The following FAM161B variants were observed in gnomAD, a reference collection of about 807,000 sequenced individuals.
FAM161B encodes protein FAM161B.
Under a neutral mutation model 61.5 loss-of-function variants are expected in FAM161B, and 46 were observed. The ratio of observed to expected loss-of-function variants is 0.75; its 90% confidence interval spans 0.59 to 0.96. FAM161B has a LOEUF of 0.96. Among genes scored for constraint, FAM161B ranks in the 40% least tolerant of loss-of-function variants. The probability of loss-of-function intolerance (pLI) is 0.00; values close to 1 mark genes in which losing one functional copy is unlikely to be tolerated. For missense variants in FAM161B, 774 were observed against 800.7 expected, an observed-to-expected ratio of 0.97 and a Z score of 0.40; for synonymous variants, 284 against 302.7, an observed-to-expected ratio of 0.94 and a Z score of 0.64.
At chr14:73,949,874 C>T (rs1456067792) in intron 1 of FAM161B, 99 bp downstream of exon 1, 101 of 1,509,418 alleles carry the variant, frequency 6.7e-5, no homozygotes, top group Non-Finnish European at 8.3e-5. Context: ...AATCCCACGC[C>T]CCTCCGTGAC....
chr14:73,940,834 C>T (rs1594776659), intron 5 of FAM161B, 92 bp downstream of exon 5: 1 of 1,502,888 alleles, frequency 6.7e-7, no homozygotes, highest in South Asian at 1.3e-5. Flanking sequence ...TGAGGTATCT[C>T]TGATAACAGG....
chr14:73,931,427 A>T, downstream of FAM161B: 1 of 1,351,260 alleles, frequency 7.4e-7, no homozygotes, highest in Non-Finnish European at 1.0e-6. Flanking sequence ...CTCCACTCTT[A>T]ATACTTTTTA....
downstream of FAM161B, among the ~76,000 whole-genome samples, chr14:73,930,445 G>A (rs2055894980): frequency 1.3e-5 from 2 of 152,074 alleles, no homozygotes; most frequent in Non-Finnish European, 2.9e-5. Context: ...TTATAGGCAT[G>A]AGCCATGGTG....
rs746489155 is a variant in FAM161B at position 73,937,643 on chromosome 14, G to A, written c.1624C>T (p.Arg542Ter). ...AAGAGATAGGGCCTTGTTTGTATTC[G>A]CTGCTTCATTTCCTCCAGTTCTTTC... ...YKKELEEMKQ[R>*]IQTRPYLFEQ... Residue 542 changes from arginine to a stop codon, truncating the protein, a stop_gained, in exon 7 of 9, where the codon CGA becomes TGA. Transcript: ENST00000286544. LOFTEE classifies it high-confidence loss of function. 5.0e-6 allele frequency: 8 copies of A among 1,614,046 alleles called. No homozygotes were observed. The highest frequency in any genetic ancestry group is 5.9e-6 in the Non-Finnish European group (7 of 1,180,002).
chr14:73,938,600 A>G (rs985330117), intron 5 of FAM161B, among the ~76,000 whole-genome samples: 23 of 151,454 alleles, frequency 1.5e-4, no homozygotes, highest in East Asian at 5.9e-4. Flanking sequence ...GTGAAACCCC[A>G]TCTCTACTAA....
chr14:73,923,604 C>T, the FAM161B span: 1 of 1,505,838 alleles, frequency 6.6e-7, no homozygotes. Flanking sequence ...AAAAAGTCTC[C>T]AGTTTCCATT....
chr14:73,947,385 C>CAAAA (rs35497668), intron 1 of FAM161B, among the ~76,000 whole-genome samples: 2 of 97,048 alleles, frequency 2.1e-5, no homozygotes, highest in South Asian at 3.7e-4. Context: ...TGCTCCGTCT[C>CAAAA]AAAAAAAAAA....
intron 8 of FAM161B, 30 bp downstream of exon 8, chr14:73,935,919 C>A: frequency 6.3e-7 from 1 of 1,594,884 alleles, no homozygotes; most frequent in Non-Finnish European, 8.6e-7. Flanking sequence ...ATTTAGAGAG[C>A]TGCAGAATGA....
chr14:73,923,364 T>C, the FAM161B span: 1 of 1,606,326 alleles, frequency 6.2e-7, no homozygotes, highest in East Asian at 2.2e-5. Context: ...GGATTCACTT[T>C]TCATTGAAAC....
In FAM161B at chr14:73,946,538, A is replaced by G; in HGVS notation, c.122T>C (p.Leu41Ser). 8 of 1,614,210 alleles carry G rather than the reference A, an allele frequency of 5.0e-6. No homozygotes were observed. Among genetic ancestry groups the G allele is most frequent in the Non-Finnish European group, 6.8e-6 (8 of 1,180,038 alleles). The part of the protein sequence containing the change: ...GEELSGDGLV[L>S]PRASKLDEFL... ...CTCGTCAAGTTTGCTGGCCCTGGGCAAAACCAGCCCATCCCCGGACAGCTC... is the reference window on the plus strand; with the variant it reads ...CTCGTCAAGTTTGCTGGCCCTGGGCGAAACCAGCCCATCCCCGGACAGCTC... Residue 41 changes from leucine (L) to serine (S), a missense_variant, in exon 2 of 9, where the codon TTG becomes TCG. Physicochemically the swap from Leu to Ser is moderately radical, Grantham distance 145 (BLOSUM62 -2). Coordinates refer to ENST00000286544, the MANE Select transcript of FAM161B (RefSeq NM_152445.3).
At position 73,942,440 on chromosome 14, in the gene FAM161B, A is replaced by G. The variant is rs1254925582; in HGVS notation, c.1201T>C (p.Phe401Leu). 2.5e-6 allele frequency: 4 copies of G among 1,614,202 alleles called. No homozygotes were observed. Among genetic ancestry groups the G allele is most frequent in the Non-Finnish European group, 3.4e-6 (4 of 1,180,038 alleles). ...CGCAGGTTGGCGGTCCTCAGCAAGA[A>G]GGGCTTGTTGCGAGTGGCCTCTTGG... is the stretch of plus-strand genomic sequence containing the variant. ...ETQEATRNKP[F>L]LLRTANLRHP... Residue 401 changes from phenylalanine to leucine, a missense_variant, in exon 4 of 9, where the codon TTC (phenylalanine) becomes CTC (leucine). Physicochemically the swap from Phe to Leu is conservative, Grantham distance 22. Transcript: ENST00000286544.
intron 8 of FAM161B, 104 bp from the exon 9 acceptor site, chr14:73,934,498 C>G: frequency 1.9e-6 from 2 of 1,062,008 alleles, no homozygotes; most frequent in Non-Finnish European, 2.6e-6. Context: ...CAGCTCACTG[C>G]AGCCTGGACA....
In FAM161B at chr14:73,944,445, G is replaced by A; in HGVS notation, c.815C>T (p.Ala272Val). ...TGTGGCTGCCAAGTCTCTCTGTCGA[G>A]CAGCTTCCTTTAGCTGCTCCTCCTT... ...LEKEEQLKEA[A>V]RQRDLAATAE... Residue 272 changes from alanine to valine, a missense_variant, in exon 3 of 9, where the codon GCT becomes GTT. Ala to Val is a moderately conservative substitution (Grantham distance 64). Coordinates refer to ENST00000286544, the MANE Select transcript of FAM161B (RefSeq NM_152445.3). 1 of 1,613,672 alleles carries A rather than the reference G, an allele frequency of 6.2e-7. No homozygotes were observed. The highest frequency in any genetic ancestry group is 1.1e-5 in the South Asian group (1 of 91,068).
rs762819313 is a variant in FAM161B at position 73,937,665 on chromosome 14, T to C, written c.1602A>G (p.Lys534=). The C allele has an allele frequency of 6.2e-7, 1 of 1,614,182 alleles. No individual in the cohort carries two copies. Residue 534 remains lysine, a synonymous_variant, in exon 7 of 9, where the codon AAA becomes AAG. Coordinates refer to ENST00000286544, the MANE Select transcript of FAM161B (RefSeq NM_152445.3). ...TTCGCTGCTTCATTTCCTCCAGTTC[T>C]TTCTTATATTCTTTCGCTCTTTTAC... ...NDRKRAKEYK[K]ELEEMKQRIQ...
Position 73,937,700 on chromosome 14 carries a change from TC to T in FAM161B, c.1566del (p.Asn523ThrfsTer17). The T allele has an allele frequency of 6.2e-7, 1 of 1,612,438 alleles. No individual in the cohort carries two copies. ...TCTTTCGCTCTTTTACGGTCATTGT[TC>T]CTGGAATTAGCAAGACTTTTAGAAA... is the stretch of plus-strand genomic sequence containing the variant. Reference protein sequence around the residue: ...EVFKAKLKENRNNDRKRAKEY... With the variant: ...EVFKAKLKENXNNDRKRAKEY... On this transcript the variant is annotated frameshift_variant and splice_region_variant, in exon 7 of 9. Coordinates refer to ENST00000286544, the MANE Select transcript of FAM161B (RefSeq NM_152445.3). LOFTEE classifies it high-confidence loss of function.
rs969823485 is a variant in FAM161B, at chr14:73,946,193, T to G, written c.374+93A>C. 3.7e-6 allele frequency: 5 copies of G among 1,334,114 alleles called. No homozygotes were observed. The African/African-American group carries it at 7.3e-5, about 20-fold the overall frequency. The allele number at this position is 1,334,114 out of a possible 1,614,324, so 82.6% of individuals were successfully genotyped here. On this transcript the variant is annotated intron_variant, in intron 2 of 8. Transcript: ENST00000286544. ...AGTAAATGGCAACTTGCAGAAGTGC[T>G]CTTTGCTTTACAGAGGAAGATGAAG... is the stretch of plus-strand genomic sequence containing the variant.
At position 73,937,815 on chromosome 14, in the gene FAM161B, G is replaced by T; in HGVS notation, c.1566-114C>A. 6.5e-6 allele frequency: 10 copies of T among 1,546,428 alleles called. No homozygotes were observed. The South Asian group carries it at 1.2e-4, about 19-fold the overall frequency. On this transcript the variant is annotated intron_variant, in intron 6 of 8. Transcript: ENST00000286544. ...ACACTGTAAATTCCTATCTGACTTG[G>T]AAAATCATGACCCTGCTGTGATTAC... is the stretch of plus-strand genomic sequence containing the variant.
At chr14:73,938,758 A>T (rs932654504) in intron 5 of FAM161B, among the ~76,000 whole-genome samples, 1 of 152,034 alleles carries the variant, frequency 6.6e-6, no homozygotes, top group Admixed American at 6.6e-5. Flanking sequence ...GGCGACAGTG[A>T]GAGACTCCGT....
chr14:73,939,655 A>G (rs539957547), intron 5 of FAM161B, among the ~76,000 whole-genome samples: 14 of 152,336 alleles, frequency 9.2e-5, no homozygotes, highest in Non-Finnish European at 1.0e-4. Flanking sequence ...TTGGGAATAC[A>G]AATCTGCACA....
Sources: allele counts gnomAD v4.1 joint callset (sites outside exome capture counted in the v4.1 genomes callset), GRCh38; gene constraint gnomAD v4.1.1; transcripts MANE v1.5; gene names NCBI Gene and HGNC (gene_info 2026-07-23, HGNC 2026-07-21).